Variants in TMC1 observed in about 807,000 individuals in gnomAD.
The protein encoded by TMC1 is transmembrane channel like 1.
TMC1 carries 84 observed loss-of-function variants against 105.8 expected under a neutral mutation model. The ratio of observed to expected loss-of-function variants is 0.79; its 90% CI spans 0.67 to 0.95. The LOEUF (loss-of-function observed/expected upper bound fraction) is 0.95, where lower values mean the gene tolerates loss of function less well. Among genes scored for constraint, TMC1 ranks in the 40% least tolerant of loss-of-function variants. The pLI is 0.00. For missense variants in TMC1, 817 were observed against 914.1 expected (o/e 0.89, Z 1.37); for synonymous variants, 315 against 311.5 (o/e 1.01, Z -0.12).
At chr9:72,578,395 A>G (rs918053797) in intron 2 of TMC1, 1 of 152,176 alleles carries the variant, frequency 6.6e-6, no homozygotes, top group African/African-American at 2.4e-5. Context: ...AACTGCACCA[A>G]TGATGAAAGC....
chr9:72,653,210 C>T (rs117404244), intron 5 of TMC1, among the ~76,000 whole-genome samples: 2 of 152,074 alleles, frequency 1.3e-5, no homozygotes, highest in East Asian at 1.9e-4. Context: ...TCTCTCAAAG[C>T]GTTTATAGAT....
At chr9:72,739,092 A>G (rs1015719311) in intron 8 of TMC1, among the ~76,000 whole-genome samples, 1 of 152,230 alleles carries the variant, frequency 6.6e-6, no homozygotes, top group African/African-American at 2.4e-5. Context: ...AACAACAGCC[A>G]TTTATTTCTC....
chr9:72,552,709 A>G (rs1271355424), intron 1 of TMC1, among the ~76,000 whole-genome samples: 1 of 152,190 alleles, frequency 6.6e-6, no homozygotes, highest in African/African-American at 2.4e-5. Context: ...ATTACTTGCT[A>G]TTTGTGAAAC....
intron 10 of TMC1, among the ~76,000 whole-genome samples, chr9:72,745,580 T>A (rs1827477121): frequency 6.6e-6 from 1 of 152,198 alleles, no homozygotes; most frequent in African/African-American, 2.4e-5. Context: ...GTACTGATTT[T>A]AATGATAACC....
chr9:72,621,359 TCA>T (rs1334374851), intron 3 of TMC1, among the ~76,000 whole-genome samples: 1 of 152,178 alleles, frequency 6.6e-6, no homozygotes, highest in Non-Finnish European at 1.5e-5. Flanking sequence ...TTACTGACCC[TCA>T]CAACATCCCT....
rs138192784 is a variant in TMC1 at position 72,708,444 on chromosome 9, C to T, written c.362+7801C>T. Among the ~76,000 whole-genome samples the T allele has an allele frequency of 3.5e-3, 534 of 151,808 alleles. 2 individuals are homozygous for T. Among genetic ancestry groups the T allele is most frequent in the Non-Finnish European group, 6.3e-3 (425 of 67,922 alleles). On this transcript the variant is annotated intron_variant, in intron 8 of 23. Transcript: ENST00000297784. ...TTGTGTCATCTGTGATTTATTTCAG[C>T]CATGTTTTGTAGTTTTCCTTGTAGA... is the stretch of plus-strand genomic sequence containing the variant.
At chr9:72,821,162 AT>A (rs370363089) in intron 20 of TMC1, 81 bp downstream of exon 20, 1,024 of 1,595,038 alleles carry the variant, frequency 6.4e-4, no homozygotes, top group Middle Eastern at 1.3e-3. Flanking sequence ...TGTATAAGCT[AT>A]TTTTTCCCCC....
rs754537281 is a variant in TMC1 at position 72,835,915 on chromosome 9, G to GTTTT, written c.2261-19_2261-16dup. The GTTTT allele has an allele frequency of 2.4e-3, 3,169 of 1,315,426 alleles. 40 individuals carry two copies. The highest frequency in any genetic ancestry group is 7.8e-3 in the South Asian group (571 of 73,064). 81.5% of individuals were successfully genotyped at this position (1,315,426 alleles called of 1,614,324 possible). The stretch of plus-strand genomic sequence containing the variant: ...GTTCATCTTCTCTCTCTCTCTCCTT[G>GTTTT]TTTTTTTTTTTTTTTTTTTTCTGTT... On this transcript the variant is annotated intron_variant, in intron 23 of 23. Coordinates refer to ENST00000297784, the MANE Select transcript of TMC1 (RefSeq NM_138691.3).
chr9:72,766,485 A>G (rs538448245), intron 12 of TMC1, among the ~76,000 whole-genome samples: 2 of 152,090 alleles, frequency 1.3e-5, no homozygotes, highest in Non-Finnish European at 2.9e-5. Context: ...ATGCCTCTTC[A>G]GGATACTTAG....
At chr9:72,835,405 A>G (rs58618509) in intron 23 of TMC1, among the ~76,000 whole-genome samples, 2,975 of 152,342 alleles carry the variant, frequency 0.02, 85 homozygotes, top group African/African-American at 0.063. Flanking sequence ...TGGTTGAAGC[A>G]CATACATCAC....
chr9:72,555,643 C>T (rs1042537413), intron 1 of TMC1, among the ~76,000 whole-genome samples: 7 of 151,420 alleles, frequency 4.6e-5, no homozygotes, highest in East Asian at 2.0e-4. Context: ...TTTTTTGAGA[C>T]GGAGTCTTGC....
At chr9:72,543,761 TA>T (rs1056017286) in intron 1 of TMC1, among the ~76,000 whole-genome samples, 1 of 152,108 alleles carries the variant, frequency 6.6e-6, no homozygotes, top group African/African-American at 2.4e-5. Context: ...AATCTTTTTT[TA>T]TTTTTTAACT....
At chr9:72,525,349 C>A (rs1210905421) in intron 1 of TMC1, among the ~76,000 whole-genome samples, 1 of 152,166 alleles carries the variant, frequency 6.6e-6, no homozygotes, top group East Asian at 1.9e-4. Context: ...GCTCTTTGTC[C>A]TCCACAGCAC....
intron 1 of TMC1, among the ~76,000 whole-genome samples, chr9:72,563,770 G>A (rs1824098205): frequency 6.6e-6 from 1 of 151,666 alleles, no homozygotes; most frequent in Admixed American, 6.6e-5. Flanking sequence ...CATGGTGGCG[G>A]GTGCCTGTAA....
At chr9:72,575,907 TCA>T (rs34081096) in intron 1 of TMC1, among the ~76,000 whole-genome samples, 84,803 of 150,952 alleles carry the variant, frequency 0.56, 24,887 homozygotes, top group African/African-American at 0.75. Context: ...GAAACTGGGC[TCA>T]CACACACACA....
At chr9:72,678,623 A>T (rs1030322585) in intron 5 of TMC1, among the ~76,000 whole-genome samples, 13 of 152,048 alleles carry the variant, frequency 8.5e-5, no homozygotes, top group Admixed American at 2.6e-4. Context: ...CTTTTTAAAA[A>T]AGCTGTATTT....
chr9:72,835,362 A>AG (rs200279143), intron 23 of TMC1, among the ~76,000 whole-genome samples: 13,106 of 152,254 alleles, frequency 0.086, 678 homozygotes, highest in Non-Finnish European at 0.13. Context: ...GTGAGAATTT[A>AG]TTAGAATTGT....
At chr9:72,576,091 G>C (rs1438210772) in intron 1 of TMC1, among the ~76,000 whole-genome samples, 1 of 152,176 alleles carries the variant, frequency 6.6e-6, no homozygotes, top group Non-Finnish European at 1.5e-5. Flanking sequence ...ACCATTTGAG[G>C]AGATGGCATA....
chr9:72,613,719 TAAG>T (rs1825074761), intron 2 of TMC1, among the ~76,000 whole-genome samples: 3 of 151,998 alleles, frequency 2.0e-5, no homozygotes, highest in Admixed American at 2.0e-4. Flanking sequence ...CATCCAAAAA[TAAG>T]AATACTGACA....
Sources: allele counts gnomAD v4.1 joint callset (sites outside exome capture counted in the v4.1 genomes callset), GRCh38; gene constraint gnomAD v4.1.1; transcripts MANE v1.5; gene names NCBI Gene and HGNC (gene_info 2026-07-23, HGNC 2026-07-21).